The following RBFOX1 variants were observed in gnomAD, a reference collection of about 807,000 sequenced individuals.
RBFOX1 encodes the protein RNA binding fox-1 homolog 1.
Under a neutral mutation model 57.7 loss-of-function variants are expected in RBFOX1, and 8 were observed. The observed-to-expected ratio is 0.14, with a 90% confidence interval of 0.08 to 0.25. The LOEUF (loss-of-function observed/expected upper bound fraction) is 0.25. RBFOX1 is among the 10% of genes least tolerant of loss of function. RBFOX1 has a pLI of 1.00. For synonymous variants in RBFOX1, 326 were observed against 222.4 expected, an observed-to-expected ratio of 1.47 and a Z score of -4.15; for missense variants, 611 against 548.5, an observed-to-expected ratio of 1.11 and a Z score of -1.14.
rs1427956516 is a variant in RBFOX1 at position 6,038,591 on chromosome 16, C to CTA, written c.-127+18599_-127+18600insTA. Reference sequence around the variant, plus strand: ...TATCATCCATATATATATATAAAATCCATATATATATATATATCTCCATGG... The same window carrying CTA: ...TATCATCCATATATATATATAAAATCTACATATATATATATATATCTCCATGG... On this transcript the variant is annotated intron_variant, in intron 1 of 15. Transcript: ENST00000550418. 297 of 128,230 alleles carry CTA rather than the reference C, an allele frequency of 2.3e-3. 5 individuals are homozygous for CTA. Among genetic ancestry groups the CTA allele is most frequent in the African/African-American group, 8.6e-3 (290 of 33,862 alleles). 7.9% of individuals were successfully genotyped at this position (128,230 alleles called of 1,614,324 possible). A position where few individuals can be genotyped will look rare whatever the true frequency, so the allele number is the denominator to read the frequency against.
chr16:5,463,186 C>T (rs1597166709), intron 1 of RBFOX1, among the ~76,000 whole-genome samples: 1 of 152,136 alleles, frequency 6.6e-6, no homozygotes, highest in African/African-American at 2.4e-5. Flanking sequence ...AGGGAGTTTT[C>T]TCTTCCTTTA....
In RBFOX1 at chr16:7,517,904, A is replaced by G. The variant is rs993165581; in HGVS notation, c.28-243A>G. 9.3e-5 allele frequency among the ~76,000 whole-genome samples: 14 copies of G among 151,266 alleles called. 1 individual carries two copies. The highest frequency in any genetic ancestry group is 7.4e-5 in the Non-Finnish European group (5 of 67,902). On this transcript the variant is annotated intron_variant, in intron 4 of 15. Transcript: ENST00000550418. ...TAGGCTGGGTGGCTTGGAAAAAGCG[A>G]CTTTATCTTTATCTTTCCAAGCCTC...
intron 3 of RBFOX1, among the ~76,000 whole-genome samples, chr16:5,773,140 G>A (rs1285513408): frequency 6.6e-6 from 1 of 152,198 alleles, no homozygotes; most frequent in Non-Finnish European, 1.5e-5. Flanking sequence ...CCTGGCTTGG[G>A]TTCAGTGGCT....
intron 3 of RBFOX1, among the ~76,000 whole-genome samples, chr16:6,853,478 C>A (rs1185839982): frequency 6.6e-6 from 1 of 152,046 alleles, no homozygotes. Flanking sequence ...AGGATGGTGC[C>A]TACAGTGTGG....
At chr16:5,613,904 T>A (rs1253703319) in intron 3 of RBFOX1, among the ~76,000 whole-genome samples, 2 of 149,810 alleles carry the variant, frequency 1.3e-5, no homozygotes, top group Admixed American at 6.6e-5. Context: ...CCCATTTTCC[T>A]CCTGTAGAAT....
chr16:6,211,820 T>TTTTATTTA (rs200566514), intron 1 of RBFOX1, among the ~76,000 whole-genome samples: 3,144 of 140,860 alleles, frequency 0.022, 48 homozygotes, highest in African/African-American at 0.04. Context: ...GGAATACATC[T>TTTTATTTA]TTTATTTATT....
chr16:6,545,507 C>T (rs1022871808), intron 2 of RBFOX1, among the ~76,000 whole-genome samples: 2 of 152,118 alleles, frequency 1.3e-5, no homozygotes, highest in African/African-American at 4.8e-5. Context: ...GAGGATGCCT[C>T]CTGTCGTGGT....
At chr16:5,263,144 G>A (rs1273425593) in intron 1 of RBFOX1, among the ~76,000 whole-genome samples, 4 of 152,238 alleles carry the variant, frequency 2.6e-5, no homozygotes, top group Admixed American at 6.5e-5. Context: ...TATTCTAGCC[G>A]AGAAAGGTGG....
At chr16:7,181,734 T>C (rs1342226513) in intron 4 of RBFOX1, among the ~76,000 whole-genome samples, 3 of 152,020 alleles carry the variant, frequency 2.0e-5, no homozygotes, top group Non-Finnish European at 4.4e-5. Flanking sequence ...TAGGTTTTTG[T>C]ATTTTTGGTA....
At chr16:5,734,004 G>A in intron 3 of RBFOX1, among the ~76,000 whole-genome samples, 1 of 152,090 alleles carries the variant, frequency 6.6e-6, no homozygotes, top group Non-Finnish European at 1.5e-5. Flanking sequence ...ACCTATTAGA[G>A]CTGAAGAGAA....
chr16:5,527,318 C>A (rs769824771), intron 2 of RBFOX1, among the ~76,000 whole-genome samples: 1 of 152,180 alleles, frequency 6.6e-6, no homozygotes, highest in Non-Finnish European at 1.5e-5. Flanking sequence ...CACCTACCTG[C>A]AAGGAACACT....
intron 4 of RBFOX1, among the ~76,000 whole-genome samples, chr16:5,984,493 TTGTC>T (rs1198639571): frequency 1.3e-5 from 2 of 151,992 alleles, no homozygotes; most frequent in Admixed American, 6.6e-5. Flanking sequence ...GTCCTGAGCA[TTGTC>T]TGTGTGGCAG....
chr16:5,752,142 G>A (rs945859692), intron 3 of RBFOX1, among the ~76,000 whole-genome samples: 1 of 152,190 alleles, frequency 6.6e-6, no homozygotes, highest in Admixed American at 6.5e-5. Context: ...GGCACTGGAG[G>A]CTATTGTCCT....
At chr16:6,199,091 G>A (rs2097198982) in intron 1 of RBFOX1, among the ~76,000 whole-genome samples, 1 of 151,710 alleles carries the variant, frequency 6.6e-6, no homozygotes, top group African/African-American at 2.4e-5. Context: ...AAGTTTCTAT[G>A]CTCCGTTCCA....
intron 4 of RBFOX1, among the ~76,000 whole-genome samples, chr16:5,968,277 G>T (rs1021158073): frequency 6.6e-6 from 1 of 152,032 alleles, no homozygotes; most frequent in Non-Finnish European, 1.5e-5. Context: ...GTTTCACCAT[G>T]TTGGCCCGGC....
At chr16:7,159,363 G>A (rs2077809905) in intron 4 of RBFOX1, among the ~76,000 whole-genome samples, 1 of 152,088 alleles carries the variant, frequency 6.6e-6, no homozygotes, top group Non-Finnish European at 1.5e-5. Context: ...TGGTGAACCT[G>A]CTTGGCTTAC....
intron 3 of RBFOX1, among the ~76,000 whole-genome samples, chr16:5,651,782 A>G (rs184117709): frequency 6.6e-6 from 1 of 152,214 alleles, no homozygotes; most frequent in Middle Eastern, 3.2e-3. Context: ...TCTGAACAAT[A>G]TTGTTGTCCA....
intron 3 of RBFOX1, among the ~76,000 whole-genome samples, chr16:5,711,338 A>T (rs1185956163): frequency 6.6e-6 from 1 of 152,252 alleles, no homozygotes; most frequent in Non-Finnish European, 1.5e-5. Flanking sequence ...CCAAGGTCAC[A>T]CAGCTAGTAA....
At chr16:7,460,545 A>C (rs981105453) in intron 4 of RBFOX1, among the ~76,000 whole-genome samples, 1 of 148,104 alleles carries the variant, frequency 6.8e-6, no homozygotes, top group Admixed American at 6.8e-5. Flanking sequence ...GAGGGGAACA[A>C]CACACAGTGG....
Sources: allele counts gnomAD v4.1 joint callset (sites outside exome capture counted in the v4.1 genomes callset), GRCh38; gene constraint gnomAD v4.1.1; transcripts MANE v1.5; gene names NCBI Gene and HGNC (gene_info 2026-07-23, HGNC 2026-07-21).